Variants in FAM78B observed in about 807,000 individuals in gnomAD.
The protein encoded by FAM78B is protein FAM78B.
FAM78B carries 10 observed loss-of-function variants against 20.0 expected under a neutral mutation model. The observed-to-expected ratio is 0.50, with a 90% CI of 0.31 to 0.85. FAM78B has a LOEUF of 0.85. Ranked by LOEUF, FAM78B falls within the 40% of genes least tolerant of loss-of-function variation. FAM78B has a pLI of 0.05. For missense variants in FAM78B, 283 were observed against 345.0 expected (o/e 0.82, Z 1.42); for synonymous variants, 135 against 132.8 (o/e 1.02, Z -0.12).
In FAM78B at chr1:166,118,365, T is replaced by C. The variant is rs182586935; in HGVS notation, c.264-47602A>G. On this transcript the variant is annotated intron_variant, in intron 1 of 1. Coordinates refer to ENST00000354422, the MANE Select transcript of FAM78B (RefSeq NM_001017961.5). Reference sequence around the variant, plus strand: ...TTCCATGAGATTTTAAAAAAGTCTATACCAAGATACCTATCTAATGTATAG... The same window carrying C: ...TTCCATGAGATTTTAAAAAAGTCTACACCAAGATACCTATCTAATGTATAG... Among the ~76,000 whole-genome samples the C allele has an allele frequency of 1.2e-3, 177 of 152,300 alleles. 1 individual carries two copies. Among genetic ancestry groups the C allele is most frequent in the South Asian group, 5.0e-3 (24 of 4,818 alleles).
chr1:166,152,762 C>T (rs1655731947), intron 1 of FAM78B, among the ~76,000 whole-genome samples: 1 of 151,996 alleles, frequency 6.6e-6, no homozygotes, highest in Non-Finnish European at 1.5e-5. Context: ...ACTGCAACCT[C>T]CACCTCCTGG....
chr1:166,086,073 CTT>C lies in FAM78B; in HGVS notation c.264-15312_264-15311del, dbSNP rs77694495. Among the ~76,000 whole-genome samples, 694 of 132,712 alleles carry C rather than the reference CTT, an allele frequency of 5.2e-3. 6 individuals are homozygous for C. The East Asian group carries it at 0.059, about 11-fold the overall frequency. 87.1% of individuals were successfully genotyped at this position (132,712 alleles called of 152,430 possible). A position where few individuals can be genotyped will look rare whatever the true frequency, so the allele number is the denominator to read the frequency against. ...CCTTCAAAGTAGGTACTATGTTACT[CTT>C]TTTTTTTTTTTTTTTTGCATAAAGG... On this transcript the variant is annotated intron_variant, in intron 1 of 1. Transcript: ENST00000354422.
chr1:166,133,115 T>C (rs1571192501), intron 1 of FAM78B, among the ~76,000 whole-genome samples: 1 of 152,214 alleles, frequency 6.6e-6, no homozygotes, highest in African/African-American at 2.4e-5. Context: ...ACTCTGAGAA[T>C]AGCAGAGTGG....
At chr1:166,089,163 C>T (rs570608941) in intron 1 of FAM78B, among the ~76,000 whole-genome samples, 22 of 152,206 alleles carry the variant, frequency 1.4e-4, no homozygotes, top group Non-Finnish European at 2.8e-4. Flanking sequence ...CTGATCCATG[C>T]ACCACCTCCT....
downstream of FAM78B, among the ~76,000 whole-genome samples, chr1:166,056,975 GCAC>G (rs370046562): frequency 1.6e-4 from 24 of 152,312 alleles, 1 homozygote; most frequent in African/African-American, 4.6e-4. Context: ...TTTGTCCTTT[GCAC>G]CACGTGAGGG....
intron 1 of FAM78B, among the ~76,000 whole-genome samples, chr1:166,089,530 G>A (rs561720181): frequency 6.6e-6 from 1 of 152,182 alleles, no homozygotes; most frequent in East Asian, 1.9e-4. Context: ...GAAAGAATGG[G>A]TCAGGAGGAA....
chr1:166,115,769 T>C (rs1317562344), intron 1 of FAM78B, among the ~76,000 whole-genome samples: 3 of 152,156 alleles, frequency 2.0e-5, no homozygotes, highest in Non-Finnish European at 4.4e-5. Flanking sequence ...GAAGGAACAG[T>C]TGTGAAATAA....
chr1:166,073,541 T>C (rs1160257375), intron 1 of FAM78B, among the ~76,000 whole-genome samples: 2 of 134,830 alleles, frequency 1.5e-5, no homozygotes, highest in African/African-American at 7.9e-5. Context: ...TCTCTCTTTT[T>C]TTTTTTTTTT....
In FAM78B at chr1:166,133,624, T is replaced by C. The variant is rs572075103; in HGVS notation, c.263+32362A>G. ...CTTAAAAAAAAAAAAGAACCGTAAA[T>C]ATAATGTGAAATAGTGAATCTGATT... On this transcript the variant is annotated intron_variant, in intron 1 of 1. Coordinates refer to ENST00000354422, the MANE Select transcript of FAM78B (RefSeq NM_001017961.5). Among the ~76,000 whole-genome samples the C allele has an allele frequency of 8.6e-5, 13 of 150,736 alleles. 1 individual carries two copies. The South Asian group carries it at 2.5e-3, about 29-fold the overall frequency.
At chr1:166,105,444 G>T (rs1049917671) in intron 1 of FAM78B, among the ~76,000 whole-genome samples, 1 of 151,940 alleles carries the variant, frequency 6.6e-6, no homozygotes, top group Non-Finnish European at 1.5e-5. Context: ...GAAAATTTTC[G>T]CAACCTACTC....
At chr1:166,100,933 A>C (rs1490576499) in intron 1 of FAM78B, among the ~76,000 whole-genome samples, 1 of 152,226 alleles carries the variant, frequency 6.6e-6, no homozygotes. Flanking sequence ...CCTAACTGGG[A>C]GGCACCCCCA....
rs191274181 is a variant in FAM78B at position 166,069,868 on chromosome 1, G to A, written c.*373C>T. ...GATGTTTTCACTCCTACTTCTAATT[G>A]GCTGGGAAGCAGCATTTGCCACAGG... On this transcript the variant is annotated 3_prime_UTR_variant, in exon 2 of 2. Transcript: ENST00000354422. 5.6e-6 allele frequency: 3 copies of A among 540,342 alleles called. No individual in the cohort carries two copies. The highest frequency in any genetic ancestry group is 4.1e-5 in the African/African-American group (2 of 48,886). 33.5% of individuals were successfully genotyped at this position (540,342 alleles called of 1,614,324 possible). A position where few individuals can be genotyped will look rare whatever the true frequency, so the allele number is the denominator to read the frequency against.
intron 1 of FAM78B, among the ~76,000 whole-genome samples, chr1:166,107,524 A>G (rs189850710): frequency 2.6e-5 from 4 of 152,192 alleles, no homozygotes; most frequent in Non-Finnish European, 4.4e-5. Context: ...CAACAAAAAA[A>G]GTCCAGGACC....
Position 166,070,022 on chromosome 1 carries a change from AATCAGTGATTT to A in FAM78B, c.*208_*218del, listed in dbSNP as rs1571129563. The A allele has an allele frequency of 1.6e-6, 2 of 1,242,892 alleles. No homozygotes were observed. Among genetic ancestry groups the A allele is most frequent in the Non-Finnish European group, 1.0e-6 (1 of 991,864 alleles). 77.0% of individuals were successfully genotyped at this position (1,242,892 alleles called of 1,614,324 possible). A position where few individuals can be genotyped will look rare whatever the true frequency, so the allele number is the denominator to read the frequency against. On this transcript the variant is annotated 3_prime_UTR_variant, in exon 2 of 2. Transcript: ENST00000354422. ...CATGGTAATCACAGCAAGTCTGTCA[AATCAGTGATTT>A]CTTTATTCCTAAGAGGAAGGGATTT...
chr1:166,127,677 A>G (rs1654693901), intron 1 of FAM78B, among the ~76,000 whole-genome samples: 1 of 152,252 alleles, frequency 6.6e-6, no homozygotes, highest in Admixed American at 6.5e-5. Flanking sequence ...ATGTTGGTAA[A>G]GGAAAAGTTG....
Position 166,120,649 on chromosome 1 carries a change from C to T in FAM78B, c.263+45337G>A, listed in dbSNP as rs367565874. Among the ~76,000 whole-genome samples the T allele has an allele frequency of 1.3e-4, 20 of 152,304 alleles. No homozygotes were observed. In the South Asian group the frequency reaches 2.1e-3, roughly 16 times the overall value. The stretch of plus-strand genomic sequence containing the variant: ...GGTCCTAAAGAGGGGTCCCTGCGGA[C>T]GACTGCAAGGGAGGCTGAATATAGC... On this transcript the variant is annotated intron_variant, in intron 1 of 1. Transcript: ENST00000354422.
At chr1:166,086,073 CTTTTTT>C (rs77694495) in intron 1 of FAM78B, among the ~76,000 whole-genome samples, 1 of 132,926 alleles carries the variant, frequency 7.5e-6, no homozygotes. Flanking sequence ...CTATGTTACT[CTTTTTT>C]TTTTTTTTTT....
At chr1:166,160,975 G>A (rs1173253668) in intron 1 of FAM78B, among the ~76,000 whole-genome samples, 6 of 152,166 alleles carry the variant, frequency 3.9e-5, no homozygotes, top group African/African-American at 7.2e-5. Flanking sequence ...AGGAGATAGC[G>A]GCTGAGACCG....
chr1:166,078,238 G>T (rs1490023271), intron 1 of FAM78B, among the ~76,000 whole-genome samples: 4 of 151,860 alleles, frequency 2.6e-5, no homozygotes, highest in Non-Finnish European at 5.9e-5. Context: ...CACCATGTTA[G>T]CCAGGATGGT....
Sources: gnomAD v4.1 joint callset for allele counts (sites outside exome capture counted in the v4.1 genomes callset) on GRCh38, gnomAD v4.1.1 for gene constraint, MANE v1.5 for transcripts, NCBI Gene and HGNC (gene_info 2026-07-23, HGNC 2026-07-21) for gene names.